The following PCDHGA10 variants were observed in gnomAD, a reference collection of about 807,000 sequenced individuals.
PCDHGA10 encodes protocadherin gamma-A10.
PCDHGA10 carries 42 observed loss-of-function variants against 59.5 expected under a neutral mutation model. The ratio of observed to expected loss-of-function variants is 0.71; its 90% CI spans 0.55 to 0.91. The LOEUF (loss-of-function observed/expected upper bound fraction) is 0.91. PCDHGA10 is among the 40% of genes least tolerant of loss of function. The probability of loss-of-function intolerance (pLI) is 0.00; values close to 1 mark genes in which losing one functional copy is unlikely to be tolerated. For missense variants in PCDHGA10, 1,111 were observed against 1,198.2 expected (o/e 0.93, Z 1.07); for synonymous variants, 511 against 517.2 (o/e 0.99, Z 0.16).
In PCDHGA10 at chr5:141,414,957, G is replaced by A; in HGVS notation, c.1782G>A (p.Lys594=). The change falls in exon 1 of 4, where the codon AAG becomes AAA. Residue 594 remains lysine, a synonymous_variant. Transcript: ENST00000398610. ...CAGAGCCCGGCTACCTGGTGACCAA[G>A]GTGGTGGCGGTGGACAGAGACTCCG... The part of the protein sequence containing the change: ...RSAEPGYLVT[K]VVAVDRDSGQ... 7 of 1,614,018 alleles carry A rather than the reference G, an allele frequency of 4.3e-6. No individual in the cohort carries two copies. Among genetic ancestry groups the A allele is most frequent in the Non-Finnish European group, 3.4e-6 (4 of 1,180,044 alleles).
chr5:141,465,030 C>T (rs922114985), intron 1 of PCDHGA10, among the ~76,000 whole-genome samples: 2 of 152,086 alleles, frequency 1.3e-5, no homozygotes, highest in Non-Finnish European at 1.5e-5. Context: ...CCATGAACCA[C>T]CACAAATGAC....
chr5:141,512,555 A>C lies in PCDHGA10; in HGVS notation c.*1382A>C, dbSNP rs1294402882. 2.6e-5 allele frequency: 4 copies of C among 152,986 alleles called. No individual in the cohort carries two copies. The highest frequency in any genetic ancestry group is 9.6e-5 in the African/African-American group (4 of 41,472). 9.5% of individuals were successfully genotyped at this position (152,986 alleles called of 1,614,324 possible). A position where few individuals can be genotyped will look rare whatever the true frequency, so the allele number is the denominator to read the frequency against. ...AGTTCCCCAGTGCCTCCTTGTGCAT[A>C]GACCTTCTTCTCCCACCCCCTTCTG... On this transcript the variant is annotated 3_prime_UTR_variant, in exon 4 of 4. Transcript: ENST00000398610.
intron 1 of PCDHGA10, among the ~76,000 whole-genome samples, chr5:141,435,245 G>A (rs577996994): frequency 6.6e-6 from 1 of 152,132 alleles, no homozygotes; most frequent in Admixed American, 6.5e-5. Context: ...ATTCTTTCTG[G>A]CCATTAGGGA....
rs1446743849 is a variant in PCDHGA10, at chr5:141,476,288, C to T, written c.2437-18519C>T. The T allele has an allele frequency of 1.3e-5, 21 of 1,613,980 alleles. No individual in the cohort carries two copies. The highest frequency in any genetic ancestry group is 2.2e-5 in the South Asian group (2 of 91,076). On this transcript the variant is annotated intron_variant, in intron 1 of 3. Coordinates refer to ENST00000398610, the MANE Select transcript of PCDHGA10 (RefSeq NM_018913.3). This position sits in a 1 kb window ranked among gnomAD's most constrained non-coding sequence, Gnocchi z 7.6. ...CGTGGTCGCGAACCTTGGTTTGGAT[C>T]TCGGTAGCCTCTCAGCCCGCAGGTT...
At chr5:141,422,149 C>G in intron 1 of PCDHGA10, 1 of 1,577,238 alleles carries the variant, frequency 6.3e-7, no homozygotes. Context: ...ACGGGGGTCT[C>G]TGGATTTTGA....
In PCDHGA10 at chr5:141,493,026, C is replaced by T. The variant is rs73280358; in HGVS notation, c.2437-1781C>T. 6.6e-6 allele frequency among the ~76,000 whole-genome samples: 1 copy of T among 152,190 alleles called. No individual in the cohort carries two copies. The highest frequency in any genetic ancestry group is 1.5e-5 in the Non-Finnish European group (1 of 68,034). Reference sequence around the variant, plus strand: ...TAGGCTCTGCCAGATGCCAGGGTGCCCTTATGTGTGAGGAAACTACAATAG... The same window carrying T: ...TAGGCTCTGCCAGATGCCAGGGTGCTCTTATGTGTGAGGAAACTACAATAG... On this transcript the variant is annotated intron_variant, in intron 1 of 3. Coordinates refer to ENST00000398610, the MANE Select transcript of PCDHGA10 (RefSeq NM_018913.3). This position sits in a 1 kb window ranked among gnomAD's most constrained non-coding sequence, Gnocchi z 4.3.
chr5:141,418,810 A>G lies in PCDHGA10; in HGVS notation c.2436+3199A>G, dbSNP rs149866479. The G allele has an allele frequency of 4.9e-3, 7,975 of 1,613,892 alleles. 44 individuals carry two copies. Among genetic ancestry groups the G allele is most frequent in the Admixed American group, 9.4e-3 (567 of 60,018 alleles). On this transcript the variant is annotated intron_variant, in intron 1 of 3. Coordinates refer to ENST00000398610, the MANE Select transcript of PCDHGA10 (RefSeq NM_018913.3). ...TTGAAGAAGTAGAAAGATATACGAT[A>G]AACATAGAAGCAAAAGACCGAGGAT...
At chr5:141,492,954 A>G (rs2099745299) in intron 1 of PCDHGA10, among the ~76,000 whole-genome samples, 1 of 152,212 alleles carries the variant, frequency 6.6e-6, no homozygotes, top group Non-Finnish European at 1.5e-5. Context: ...TGACCAAACT[A>G]TCTGACACTC....
rs1012790217 is a variant in PCDHGA10 at position 141,432,087 on chromosome 5, C to T, written c.2436+16476C>T. On this transcript the variant is annotated intron_variant, in intron 1 of 3. Coordinates refer to ENST00000398610, the MANE Select transcript of PCDHGA10 (RefSeq NM_018913.3). This position sits in a 1 kb window ranked among gnomAD's most constrained non-coding sequence, Gnocchi z 6.0. ...GAAACTCATATCTCGCTGAACGTGG[C>T]AGACACCAACGACAACCCGCCGGTC... is the stretch of plus-strand genomic sequence containing the variant. The T allele has an allele frequency of 2.5e-6, 4 of 1,614,060 alleles. No homozygotes were observed. The African/African-American group carries it at 4.0e-5, about 16-fold the overall frequency.
chr5:141,427,611 G>A (rs747386422), intron 1 of PCDHGA10: 22 of 691,570 alleles, frequency 3.2e-5, no homozygotes, highest in Non-Finnish European at 5.5e-5. Context: ...CATTGGTGAA[G>A]TCAACGACAA....
At chr5:141,447,149 T>C (rs2098528211) in intron 1 of PCDHGA10, among the ~76,000 whole-genome samples, 1 of 152,212 alleles carries the variant, frequency 6.6e-6, no homozygotes, top group African/African-American at 2.4e-5. Flanking sequence ...TTTGTTTTTG[T>C]TTTTGTTTAA....
In PCDHGA10 at chr5:141,486,043, A is replaced by G. The variant is rs1193580610; in HGVS notation, c.2437-8764A>G. 6.2e-7 allele frequency: 1 copy of G among 1,614,050 alleles called. No homozygotes were observed. Among genetic ancestry groups the G allele is most frequent in the African/African-American group, 1.3e-5 (1 of 74,918 alleles). ...GTGGTCATACCCCTGATCGTGTAAG[A>G]AACCTCTTTAGCCTGCACCCCACTA... On this transcript the variant is annotated intron_variant, in intron 1 of 3. Transcript: ENST00000398610. This position sits in a 1 kb window ranked among gnomAD's most constrained non-coding sequence, Gnocchi z 5.0.
intron 2 of PCDHGA10, among the ~76,000 whole-genome samples, chr5:141,501,032 C>A (rs1370625012): frequency 6.6e-6 from 1 of 151,976 alleles, no homozygotes; most frequent in Non-Finnish European, 1.5e-5. Context: ...CCACGCCCAG[C>A]TAATTTTTGT....
chr5:141,492,332 G>A (rs2099739439), intron 1 of PCDHGA10, among the ~76,000 whole-genome samples: 1 of 152,204 alleles, frequency 6.6e-6, no homozygotes. Flanking sequence ...GGGCTTACGC[G>A]AATACCAGCT....
chr5:141,433,367 C>CTATA, intron 1 of PCDHGA10: 2 of 549,818 alleles, frequency 3.6e-6, no homozygotes, highest in South Asian at 4.5e-5. Flanking sequence ...GCCTATCTAT[C>CTATA]TATCTATCTA....
chr5:141,485,116 G>T lies in PCDHGA10; in HGVS notation c.2437-9691G>T, dbSNP rs904145668. ...TGTCTCCAGCTGCTGTGGCTGTTTGGGGCGGGTCGGCTTCATCCGCGTCTC... is the reference window on the plus strand; with the variant it reads ...TGTCTCCAGCTGCTGTGGCTGTTTGTGGCGGGTCGGCTTCATCCGCGTCTC... On this transcript the variant is annotated intron_variant, in intron 1 of 3. Coordinates refer to ENST00000398610, the MANE Select transcript of PCDHGA10 (RefSeq NM_018913.3). This position sits in a 1 kb window ranked among gnomAD's most constrained non-coding sequence, Gnocchi z 5.7. 3.0e-6 allele frequency: 4 copies of T among 1,312,058 alleles called. No homozygotes were observed. The African/African-American group carries it at 5.8e-5, about 19-fold the overall frequency. 81.3% of individuals were successfully genotyped at this position (1,312,058 alleles called of 1,614,324 possible).
At chr5:141,464,131 G>C (rs982496493) in intron 1 of PCDHGA10, among the ~76,000 whole-genome samples, 19 of 152,056 alleles carry the variant, frequency 1.2e-4, no homozygotes, top group Admixed American at 2.0e-4. Flanking sequence ...TGGGTGTGGT[G>C]GTGGGCGCCT....
At position 141,501,332 on chromosome 5, in the gene PCDHGA10, CA is replaced by C. The variant is rs1257793029; in HGVS notation, c.2496-4060del. 1.8e-3 allele frequency among the ~76,000 whole-genome samples: 265 copies of C among 149,784 alleles called. 1 individual carries two copies. The highest frequency in any genetic ancestry group is 5.2e-3 in the African/African-American group (209 of 40,512). On this transcript the variant is annotated intron_variant, in intron 2 of 3. Transcript: ENST00000398610. Reference sequence around the variant, plus strand: ...ACACACACACACACACACACACACACACCCCAAACTCAATAGGGCAAGAACC... The same window carrying C: ...ACACACACACACACACACACACACACCCCCAAACTCAATAGGGCAAGAACC...
intron 1 of PCDHGA10, chr5:141,422,532 A>G (rs752364905): frequency 6.2e-7 from 1 of 1,614,030 alleles, no homozygotes; most frequent in South Asian, 1.1e-5. Flanking sequence ...CTTTGTCTGC[A>G]GAAACTCATG....
Sources: gnomAD v4.1 joint callset for allele counts (sites outside exome capture counted in the v4.1 genomes callset) on GRCh38, gnomAD v4.1.1 for gene constraint, Gnocchi (gnomAD v3.1) non-coding constraint, MANE v1.5 for transcripts, NCBI Gene and HGNC (gene_info 2026-07-23, HGNC 2026-07-21) for gene names.